RAB27A: variants seen among roughly 807,000 people sequenced by gnomAD.
RAB27A encodes the protein ras-related protein Rab-27A.
A neutral mutation model predicts 20.8 loss-of-function variants in RAB27A; 17 were observed. The ratio of observed to expected loss-of-function variants is 0.82; its 90% CI spans 0.56 to 1.23. RAB27A has a LOEUF of 1.23. Among genes scored for constraint, RAB27A ranks in the 50% most tolerant of loss-of-function variants. RAB27A has a pLI of 0.00. For missense variants in RAB27A, 277 were observed against 266.7 expected (o/e 1.04, Z -0.27); for synonymous variants, 85 against 92.8 (o/e 0.92, Z 0.48).
chr15:55,259,128 T>A (rs1897185771), intron 2 of RAB27A, among the ~76,000 whole-genome samples: 1 of 152,120 alleles, frequency 6.6e-6, no homozygotes, highest in Non-Finnish European at 1.5e-5. Flanking sequence ...GTTCTTTTTC[T>A]ATGGATGTGC....
intron 6 of RAB27A, among the ~76,000 whole-genome samples, chr15:55,209,792 GTA>G (rs532570202): frequency 0.034 from 4,515 of 130,938 alleles, 1,282 homozygotes; most frequent in African/African-American, 0.15. Flanking sequence ...ACATATGTGT[GTA>G]TGTATACATA....
intron 2 of RAB27A, among the ~76,000 whole-genome samples, chr15:55,310,277 A>G (rs2055014620): frequency 6.6e-6 from 1 of 152,118 alleles, no homozygotes; most frequent in Non-Finnish European, 1.5e-5. Flanking sequence ...TAAGACTGAG[A>G]AGGCCACGCC....
At position 55,204,634 on chromosome 15, in the gene RAB27A, G is replaced by A. The variant is rs893331898; in HGVS notation, c.*873C>T. The A allele has an allele frequency of 1.4e-4, 21 of 152,278 alleles. No individual in the cohort carries two copies. Among genetic ancestry groups the A allele is most frequent in the African/African-American group, 5.1e-4 (21 of 41,556 alleles). 9.4% of individuals were successfully genotyped at this position (152,278 alleles called of 1,614,324 possible). ...TCAACATTATAAATATGAAGAAAAA[G>A]AAACTAAATATTTACTCATCGCAAA... On this transcript the variant is annotated 3_prime_UTR_variant, in exon 7 of 7. Transcript: ENST00000336787.
chr15:55,265,191 G>A (rs912710718), intron 2 of RAB27A, among the ~76,000 whole-genome samples: 7 of 152,242 alleles, frequency 4.6e-5, no homozygotes, highest in South Asian at 2.1e-4. Context: ...GCAGCCAGCC[G>A]AGATCGCACA....
At chr15:55,280,000 G>T (rs1897972426) in intron 1 of RAB27A, among the ~76,000 whole-genome samples, 1 of 152,134 alleles carries the variant, frequency 6.6e-6, no homozygotes, top group African/African-American at 2.4e-5. Flanking sequence ...GATTCAGTAG[G>T]TCTGGAGTGG....
chr15:55,302,493 C>G (rs1301521960), intron 2 of RAB27A, among the ~76,000 whole-genome samples: 1 of 151,410 alleles, frequency 6.6e-6, no homozygotes, highest in Non-Finnish European at 1.5e-5. Flanking sequence ...GCCCGGCCGC[C>G]ACCCCGTCTG....
chr15:55,203,467 T>G lies in RAB27A; in HGVS notation c.*2040A>C, dbSNP rs1894490908. On this transcript the variant is annotated 3_prime_UTR_variant, in exon 7 of 7. Coordinates refer to ENST00000336787, the MANE Select transcript of RAB27A (RefSeq NM_183235.3). Reference sequence around the variant, plus strand: ...GTCTCCTCTGTCGCCCAGGCTGGAGTGCAGTGGCGCAATCTCGGCTCACTG... The same window carrying G: ...GTCTCCTCTGTCGCCCAGGCTGGAGGGCAGTGGCGCAATCTCGGCTCACTG... 1 of 145,016 alleles carries G rather than the reference T, an allele frequency of 6.9e-6. No individual in the cohort carries two copies. Among genetic ancestry groups the G allele is most frequent in the African/African-American group, 2.6e-5 (1 of 38,376 alleles). The allele number at this position is 145,016 out of a possible 1,614,324, so 9.0% of individuals were successfully genotyped here. A position where few individuals can be genotyped will look rare whatever the true frequency, so the allele number is the denominator to read the frequency against.
intron 6 of RAB27A, among the ~76,000 whole-genome samples, chr15:55,213,009 T>C (rs1895102749): frequency 6.6e-6 from 1 of 152,232 alleles, no homozygotes; most frequent in Non-Finnish European, 1.5e-5. Context: ...TGCAACAGGA[T>C]TAATCAAGTG....
rs6493776 is a variant in RAB27A at position 55,279,182 on chromosome 15, C to A, written c.-142-8898G>T. On this transcript the variant is annotated intron_variant, in intron 1 of 6. Transcript: ENST00000336787. ...GGCAGATAAGACTCTTAATAAAGGC[C>A]CCCATGGCCTGTCCTCCCATACTCT... Among the ~76,000 whole-genome samples the A allele has an allele frequency of 2.0e-5, 3 of 152,002 alleles. No homozygotes were observed. The South Asian group carries it at 6.2e-4, about 32-fold the overall frequency.
chr15:55,295,886 A>T (rs921617135), intron 2 of RAB27A, among the ~76,000 whole-genome samples: 14 of 151,336 alleles, frequency 9.3e-5, no homozygotes, highest in South Asian at 6.3e-4. Flanking sequence ...TTTTTTTTTT[A>T]AAAGAACCAA....
intron 2 of RAB27A, among the ~76,000 whole-genome samples, chr15:55,313,114 A>C (rs538280585): frequency 6.6e-6 from 1 of 152,318 alleles, no homozygotes; most frequent in South Asian, 2.1e-4. Context: ...AACTACTTTT[A>C]AGTGCATAGG....
intron 1 of RAB27A, among the ~76,000 whole-genome samples, chr15:55,276,685 G>C: frequency 6.6e-6 from 1 of 152,164 alleles, no homozygotes; most frequent in East Asian, 1.9e-4. Flanking sequence ...TAGTTAAAGA[G>C]AACAAGTTTC....
intron 2 of RAB27A, among the ~76,000 whole-genome samples, chr15:55,250,355 C>T (rs190865404): frequency 2.5e-4 from 38 of 152,262 alleles, no homozygotes; most frequent in Admixed American, 1.8e-3. Flanking sequence ...AAGTTATTTA[C>T]TTATGCTACT....
intron 6 of RAB27A, among the ~76,000 whole-genome samples, chr15:55,220,737 T>C (rs957410258): frequency 6.6e-5 from 10 of 152,246 alleles, no homozygotes; most frequent in African/African-American, 2.4e-4. Flanking sequence ...CTTTAGTGCA[T>C]GTGTAACCAG....
At chr15:55,259,131 G>C (rs751447580) in intron 2 of RAB27A, among the ~76,000 whole-genome samples, 1 of 150,364 alleles carries the variant, frequency 6.7e-6, no homozygotes, top group Non-Finnish European at 1.5e-5. Context: ...CTTTTTCTAT[G>C]GATGTGCAGT....
At chr15:55,292,259 C>G (rs1346999425), upstream of RAB27A, among the ~76,000 whole-genome samples, 1 of 152,222 alleles carries the variant, frequency 6.6e-6, no homozygotes, top group Non-Finnish European at 1.5e-5. Context: ...TGTCTTACAA[C>G]TACTTTATGA....
At chr15:55,272,002 C>T (rs772962469) in intron 1 of RAB27A, among the ~76,000 whole-genome samples, 1 of 152,116 alleles carries the variant, frequency 6.6e-6, no homozygotes, top group African/African-American at 2.4e-5. Context: ...CACACAGCAA[C>T]CTCGAGAATT....
intron 2 of RAB27A, among the ~76,000 whole-genome samples, chr15:55,238,804 A>G (rs1896368158): frequency 6.6e-6 from 1 of 152,226 alleles, no homozygotes; most frequent in Admixed American, 6.5e-5. Context: ...TTTGCAATTC[A>G]TTTAATACAG....
At position 55,269,104 on chromosome 15, in the gene RAB27A, T is replaced by C. The variant is rs1424360557; in HGVS notation, c.-23+1061A>G. Among the ~76,000 whole-genome samples the C allele has an allele frequency of 2.6e-5, 4 of 152,328 alleles. No homozygotes were observed. In the East Asian group the frequency reaches 5.8e-4, roughly 22 times the overall value. On this transcript the variant is annotated intron_variant, in intron 2 of 6. Coordinates refer to ENST00000336787, the MANE Select transcript of RAB27A (RefSeq NM_183235.3). ...AAAAGGGACCAACCCCGCTGACATC[T>C]TGATCTTAGACTTTCAGGCTCCAGA...
Sources: allele counts gnomAD v4.1 joint callset (sites outside exome capture counted in the v4.1 genomes callset), GRCh38; gene constraint gnomAD v4.1.1; transcripts MANE v1.5; gene names NCBI Gene and HGNC (gene_info 2026-07-23, HGNC 2026-07-21).